Variants in SEMA5A observed in about 807,000 individuals in gnomAD.
SEMA5A encodes semaphorin-5A.
In SEMA5A, 55 loss-of-function variants were observed where a neutral mutation model predicts 135.5. That is an observed-to-expected ratio of 0.41 (90% CI 0.33 to 0.51). The LOEUF is 0.51. SEMA5A is among the 20% of genes least tolerant of loss of function. The pLI is 0.37. For missense variants in SEMA5A, 1,290 were observed against 1,419.9 expected (o/e 0.91, Z 1.47); for synonymous variants, 580 against 546.5 (o/e 1.06, Z -0.85).
chr5:9,362,373 G>A (rs1754735908), intron 3 of SEMA5A, among the ~76,000 whole-genome samples: 2 of 152,038 alleles, frequency 1.3e-5, no homozygotes, highest in Admixed American at 1.3e-4. Flanking sequence ...TTATATGAGG[G>A]TAAGAGATTT....
chr5:9,056,182 A>G (rs1482840490), intron 18 of SEMA5A, among the ~76,000 whole-genome samples: 3 of 152,198 alleles, frequency 2.0e-5, no homozygotes, highest in African/African-American at 7.2e-5. Context: ...TCTGTATGGA[A>G]TGATAAACCT....
At chr5:9,138,511 T>A (rs1169388360) in intron 12 of SEMA5A, among the ~76,000 whole-genome samples, 1 of 152,258 alleles carries the variant, frequency 6.6e-6, no homozygotes, top group Non-Finnish European at 1.5e-5. Context: ...AATATAGCTC[T>A]ACCTTACTCC....
chr5:9,079,477 C>T (rs182154446), intron 16 of SEMA5A, among the ~76,000 whole-genome samples: 1 of 152,088 alleles, frequency 6.6e-6, no homozygotes, highest in East Asian at 1.9e-4. Flanking sequence ...CTAAAATTGA[C>T]ATTCTAACAT....
intron 11 of SEMA5A, among the ~76,000 whole-genome samples, chr5:9,160,094 T>C (rs1256263688): frequency 6.6e-6 from 1 of 152,002 alleles, no homozygotes; most frequent in Non-Finnish European, 1.5e-5. Context: ...GACAGGTCAA[T>C]AGGTGCAACA....
At chr5:9,180,651 C>T (rs1452095377) in intron 11 of SEMA5A, among the ~76,000 whole-genome samples, 2 of 152,018 alleles carry the variant, frequency 1.3e-5, no homozygotes, top group Non-Finnish European at 2.9e-5. Flanking sequence ...ATTTCTGGTA[C>T]CCAGAAGGGT....
chr5:9,372,475 T>C (rs546502080), intron 3 of SEMA5A, among the ~76,000 whole-genome samples: 6 of 149,772 alleles, frequency 4.0e-5, no homozygotes, highest in Non-Finnish European at 7.4e-5. Flanking sequence ...ATACATGGAG[T>C]TGTGAACATG....
At position 9,038,634 on chromosome 5, in the gene SEMA5A, G is replaced by A. The variant is rs909641299; in HGVS notation, c.*4263C>T. 2.0e-5 allele frequency: 3 copies of A among 151,976 alleles called. No homozygotes were observed. Among genetic ancestry groups the A allele is most frequent in the African/African-American group, 7.2e-5 (3 of 41,382 alleles). 9.4% of individuals were successfully genotyped at this position (151,976 alleles called of 1,614,324 possible). On this transcript the variant is annotated 3_prime_UTR_variant, in exon 23 of 23. Transcript: ENST00000382496. ...TTAGCTGAGTATAGACTTGATATAT[G>A]TTTAAGGTAAAATTCCCTTTGATAT... is the stretch of plus-strand genomic sequence containing the variant.
chr5:9,428,330 T>C (rs1213971944), intron 2 of SEMA5A, among the ~76,000 whole-genome samples: 1 of 152,148 alleles, frequency 6.6e-6, no homozygotes, highest in Non-Finnish European at 1.5e-5. Context: ...CTGACAGTCA[T>C]GCTGTGCTGC....
chr5:9,453,120 AT>A (rs1243343780), intron 1 of SEMA5A, among the ~76,000 whole-genome samples: 4 of 152,188 alleles, frequency 2.6e-5, no homozygotes, highest in Non-Finnish European at 4.4e-5. Context: ...GATGTTATTT[AT>A]TTTACATAGT....
intron 16 of SEMA5A, among the ~76,000 whole-genome samples, chr5:9,076,203 CAAA>C (rs55743535): frequency 2.7e-3 from 239 of 89,862 alleles, no homozygotes; most frequent in African/African-American, 9.2e-3. Context: ...GACTCCATCT[CAAA>C]AAAAAAAAAA....
At chr5:9,474,229 G>T (rs2126762327) in intron 1 of SEMA5A, among the ~76,000 whole-genome samples, 1 of 152,268 alleles carries the variant, frequency 6.6e-6, no homozygotes, top group Admixed American at 6.5e-5. Context: ...TGGAGTCCGA[G>T]CATCCCAAAG....
rs151292991 is a variant in SEMA5A, at chr5:9,152,517, T to C, written c.1481+1971A>G. ...TTAATGTTCACAATATCATTATGATTAGCTGGGAGGTTCCTGGCATTATTC... is the reference window on the plus strand; with the variant it reads ...TTAATGTTCACAATATCATTATGATCAGCTGGGAGGTTCCTGGCATTATTC... On this transcript the variant is annotated intron_variant, in intron 12 of 22. Transcript: ENST00000382496. Among the ~76,000 whole-genome samples the C allele has an allele frequency of 3.5e-3, 538 of 152,318 alleles. 2 individuals carry two copies. The highest frequency in any genetic ancestry group is 0.012 in the African/African-American group (519 of 41,582).
At chr5:9,334,519 G>A (rs1753296880) in intron 4 of SEMA5A, among the ~76,000 whole-genome samples, 1 of 152,198 alleles carries the variant, frequency 6.6e-6, no homozygotes, top group Non-Finnish European at 1.5e-5. Flanking sequence ...CTTCCCTAGG[G>A]CTGCGCGCTC....
chr5:9,127,000 A>G lies in SEMA5A; in HGVS notation c.1600-4163T>C, dbSNP rs1397580602. ...CTTCAGCAAAGGTCAAGCCCTTACC[A>G]TTGTGAATACAGTTTCAATCTCTGA... On this transcript the variant is annotated intron_variant, in intron 13 of 22. Coordinates refer to ENST00000382496, the MANE Select transcript of SEMA5A (RefSeq NM_003966.3). 5.3e-5 allele frequency among the ~76,000 whole-genome samples: 8 copies of G among 152,170 alleles called. No individual in the cohort carries two copies. The East Asian group carries it at 1.5e-3, about 29-fold the overall frequency.
intron 5 of SEMA5A, among the ~76,000 whole-genome samples, chr5:9,271,564 A>G (rs528151793): frequency 2.0e-5 from 3 of 152,312 alleles, no homozygotes; most frequent in South Asian, 2.1e-4. Context: ...AAAGGCTGAT[A>G]GTAATAAAAA....
rs35531350 is a variant in SEMA5A, at chr5:9,173,279, G to GTT, written c.1273+16986_1273+16987dup. 8.6e-3 allele frequency among the ~76,000 whole-genome samples: 1,042 copies of GTT among 121,760 alleles called. 8 individuals carry two copies. Among genetic ancestry groups the GTT allele is most frequent in the East Asian group, 0.017 (72 of 4,138 alleles). The allele number at this position is 121,760 out of a possible 152,430, so 79.9% of individuals were successfully genotyped here. On this transcript the variant is annotated intron_variant, in intron 11 of 22. Coordinates refer to ENST00000382496, the MANE Select transcript of SEMA5A (RefSeq NM_003966.3). The stretch of plus-strand genomic sequence containing the variant: ...CAGGGAAAGTTGTTTTCTTCACCCG[G>GTT]TTTTTTTTTTTTTTTTTTTTTGGTC...
rs370296517 is a variant in SEMA5A, at chr5:9,465,054, GA to G, written c.-174-27203del. 5.1e-3 allele frequency among the ~76,000 whole-genome samples: 749 copies of G among 146,674 alleles called. 6 individuals carry two copies. The highest frequency in any genetic ancestry group is 0.018 in the African/African-American group (720 of 40,538). On this transcript the variant is annotated intron_variant, in intron 1 of 22. Coordinates refer to ENST00000382496, the MANE Select transcript of SEMA5A (RefSeq NM_003966.3). ...AACGAGCTGTAAAACTGTGTAACAT[GA>G]GGTCATTTCATTCTGGATTCTGGAT...
chr5:9,177,981 C>T (rs1265959234), intron 11 of SEMA5A, among the ~76,000 whole-genome samples: 2 of 152,200 alleles, frequency 1.3e-5, no homozygotes, highest in African/African-American at 2.4e-5. Flanking sequence ...TTGGAATTTA[C>T]ATGACAGTAC....
At chr5:9,051,260 C>G (rs1736560264) in intron 20 of SEMA5A, among the ~76,000 whole-genome samples, 1 of 152,178 alleles carries the variant, frequency 6.6e-6, no homozygotes, top group African/African-American at 2.4e-5. Flanking sequence ...TTGTAAGAGG[C>G]TGGTCCACCT....
Sources: gnomAD v4.1 joint callset for allele counts (sites outside exome capture counted in the v4.1 genomes callset) on GRCh38, gnomAD v4.1.1 for gene constraint, MANE v1.5 for transcripts, NCBI Gene and HGNC (gene_info 2026-07-23, HGNC 2026-07-21) for gene names.